The following EPHA6 variants were observed in gnomAD, a reference collection of about 807,000 sequenced individuals.
The protein encoded by EPHA6 is EPH receptor A6.
EPHA6 carries 50 observed loss-of-function variants against 112.0 expected under a neutral mutation model. The observed-to-expected ratio is 0.45, with a 90% CI of 0.36 to 0.56. EPHA6 has a LOEUF of 0.56. EPHA6 is among the 20% of genes least tolerant of loss of function. EPHA6 has a pLI of 0.00. For missense variants in EPHA6, 1,280 were observed against 1,417.4 expected (o/e 0.90, Z 1.56); for synonymous variants, 529 against 490.7 (o/e 1.08, Z -1.03).
chr3:97,568,113 C>G (rs1019174500), intron 11 of EPHA6, among the ~76,000 whole-genome samples: 1 of 152,070 alleles, frequency 6.6e-6, no homozygotes, highest in Admixed American at 6.5e-5. Flanking sequence ...AGCCTGGGCC[C>G]TTTGCTAGCT....
intron 2 of EPHA6, among the ~76,000 whole-genome samples, chr3:96,945,400 T>G (rs9869278): frequency 6.6e-6 from 1 of 152,118 alleles, no homozygotes; most frequent in African/African-American, 2.4e-5. Flanking sequence ...CAAATTCCAT[T>G]ATCAGCTGAC....
chr3:97,148,441 C>T (rs1259340842), intron 3 of EPHA6, among the ~76,000 whole-genome samples: 2 of 152,024 alleles, frequency 1.3e-5, no homozygotes, highest in Non-Finnish European at 2.9e-5. Context: ...GTATTCCAGC[C>T]TGGGCAATCA....
chr3:97,017,211 G>A (rs1435007835), intron 3 of EPHA6, among the ~76,000 whole-genome samples: 1 of 152,140 alleles, frequency 6.6e-6, no homozygotes, highest in African/African-American at 2.4e-5. Context: ...GAAGAGGGTA[G>A]GATATAGTCC....
At chr3:97,735,416 A>G (rs2035210921) in intron 15 of EPHA6, among the ~76,000 whole-genome samples, 1 of 152,108 alleles carries the variant, frequency 6.6e-6, no homozygotes, top group African/African-American at 2.4e-5. Flanking sequence ...GTAAGAGAAT[A>G]GAAACTAAAT....
Position 97,609,805 on chromosome 3 carries a change from G to A in EPHA6, c.2513-988G>A, listed in dbSNP as rs192343316. On this transcript the variant is annotated intron_variant, in intron 12 of 17. Transcript: ENST00000389672. ...TCTAGATCTCCTTTGTGTTTGTAAG[G>A]AAAAACTGTGCATAGTGCAGATTGA... is the stretch of plus-strand genomic sequence containing the variant. 7.3e-5 allele frequency among the ~76,000 whole-genome samples: 11 copies of A among 151,514 alleles called. No individual in the cohort carries two copies. In the East Asian group the frequency reaches 1.9e-3, roughly 27 times the overall value.
At chr3:97,535,117 C>T (rs963905935) in intron 11 of EPHA6, among the ~76,000 whole-genome samples, 1 of 151,764 alleles carries the variant, frequency 6.6e-6, no homozygotes, top group African/African-American at 2.4e-5. Flanking sequence ...AATCATTTAT[C>T]CTACATCAAC....
chr3:96,954,149 C>T (rs758944771), intron 2 of EPHA6, among the ~76,000 whole-genome samples: 6 of 152,142 alleles, frequency 3.9e-5, no homozygotes, highest in Non-Finnish European at 8.8e-5. Flanking sequence ...GCTGGGATTA[C>T]GGGTGTGAGC....
Position 97,210,310 on chromosome 3 carries a change from C to T in EPHA6, c.1115-15954C>T, listed in dbSNP as rs139554322. 8.5e-4 allele frequency among the ~76,000 whole-genome samples: 130 copies of T among 152,246 alleles called. 1 individual carries two copies. The highest frequency in any genetic ancestry group is 2.9e-3 in the African/African-American group (119 of 41,556). ...AAAGGAGAGGCAAGTACCTTCTTCA[C>T]AAGGTGGCAGGAAAAATGAGAGTGA... is the stretch of plus-strand genomic sequence containing the variant. On this transcript the variant is annotated intron_variant, in intron 3 of 17. Transcript: ENST00000389672.
At chr3:97,263,884 G>T (rs957928275) in intron 5 of EPHA6, among the ~76,000 whole-genome samples, 2 of 152,108 alleles carry the variant, frequency 1.3e-5, no homozygotes, top group Non-Finnish European at 2.9e-5. Flanking sequence ...GTACATCATT[G>T]TAGTTTTCTG....
At chr3:97,672,931 A>G (rs2030995494) in intron 14 of EPHA6, among the ~76,000 whole-genome samples, 1 of 152,168 alleles carries the variant, frequency 6.6e-6, no homozygotes, top group Admixed American at 6.6e-5. Flanking sequence ...CAAAGTGAAA[A>G]TGTTCTCCAG....
rs142354775 is a variant in EPHA6 at position 97,430,043 on chromosome 3, G to A, written c.1732-18525G>A. 6.1e-3 allele frequency among the ~76,000 whole-genome samples: 925 copies of A among 152,116 alleles called. 12 individuals are homozygous for A. The highest frequency in any genetic ancestry group is 0.02 in the African/African-American group (851 of 41,530). ...TGTTTGCTGAACAACATGGAAATTG[G>A]ATATAAAACCTTTATTTCTTTTTTA... On this transcript the variant is annotated intron_variant, in intron 6 of 17. Coordinates refer to ENST00000389672, the MANE Select transcript of EPHA6 (RefSeq NM_001080448.3).
chr3:97,612,779 T>C (rs1227802880), intron 13 of EPHA6, among the ~76,000 whole-genome samples: 2 of 152,012 alleles, frequency 1.3e-5, no homozygotes, highest in Non-Finnish European at 2.9e-5. Context: ...TGTACCTCTG[T>C]TTACTCATCT....
chr3:97,348,105 A>C (rs756744979), intron 5 of EPHA6, among the ~76,000 whole-genome samples: 2 of 152,082 alleles, frequency 1.3e-5, no homozygotes, highest in African/African-American at 2.4e-5. Flanking sequence ...CTATGCTAAC[A>C]TTAGAGAGTA....
chr3:97,045,447 G>T (rs183279479), intron 3 of EPHA6, among the ~76,000 whole-genome samples: 1 of 151,788 alleles, frequency 6.6e-6, no homozygotes, highest in Admixed American at 6.6e-5. Flanking sequence ...TTTATGAAGC[G>T]TACAAATCTC....
intron 3 of EPHA6, among the ~76,000 whole-genome samples, chr3:97,225,309 A>G (rs2078322977): frequency 6.6e-6 from 1 of 152,172 alleles, no homozygotes. Flanking sequence ...AGTTATTTTA[A>G]ACTGCATATT....
chr3:97,611,879 T>C (rs561757099), intron 13 of EPHA6, among the ~76,000 whole-genome samples: 6 of 152,068 alleles, frequency 3.9e-5, no homozygotes, highest in African/African-American at 1.4e-4. Context: ...TTTTCATTTA[T>C]TTTTCTTGGT....
intron 3 of EPHA6, among the ~76,000 whole-genome samples, chr3:97,043,228 T>C (rs974063947): frequency 7.2e-5 from 11 of 152,044 alleles, no homozygotes; most frequent in Non-Finnish European, 1.5e-4. Context: ...AGTCCTAATA[T>C]AGGACCAGAG....
intron 14 of EPHA6, among the ~76,000 whole-genome samples, chr3:97,645,962 A>T (rs760987352): frequency 1.3e-5 from 2 of 152,148 alleles, no homozygotes; most frequent in African/African-American, 2.4e-5. Flanking sequence ...GACATGATAG[A>T]TAAAGGTTGG....
chr3:97,741,338 G>A (rs1211577912), intron 16 of EPHA6, among the ~76,000 whole-genome samples: 4 of 151,984 alleles, frequency 2.6e-5, no homozygotes, highest in Admixed American at 2.0e-4. Context: ...GGGCAACAGA[G>A]TGAGACTCCG....
Sources: allele counts gnomAD v4.1 joint callset (sites outside exome capture counted in the v4.1 genomes callset), GRCh38; gene constraint gnomAD v4.1.1; transcripts MANE v1.5; gene names NCBI Gene and HGNC (gene_info 2026-07-23, HGNC 2026-07-21).